The following TNFSF4 variants were observed in gnomAD, a reference collection of about 807,000 sequenced individuals.
TNFSF4 encodes the protein TNF superfamily member 4, also known as tumor necrosis factor ligand superfamily member 4.
A neutral mutation model predicts 7.3 loss-of-function variants in TNFSF4; 4 were observed. That is an observed-to-expected ratio of 0.55 (90% CI 0.27 to 1.25). The LOEUF is 1.25. Among genes scored for constraint, TNFSF4 ranks in the 50% most tolerant of loss-of-function variants. TNFSF4 has a pLI of 0.12. For missense variants in TNFSF4, 181 were observed against 208.8 expected, an observed-to-expected ratio of 0.87 and a Z score of 0.82; for synonymous variants, 76 against 83.7, an observed-to-expected ratio of 0.91 and a Z score of 0.50.
At chr1:173,405,301 A>T in the TNFSF4 span, among the ~76,000 whole-genome samples, 4 of 152,244 alleles carry the variant, frequency 2.6e-5, no homozygotes, top group African/African-American at 9.6e-5. Flanking sequence ...GGGTCCAGTA[A>T]AATTTTATTT....
the TNFSF4 span, among the ~76,000 whole-genome samples, chr1:173,369,023 T>C: frequency 6.6e-6 from 1 of 152,182 alleles, no homozygotes; most frequent in African/African-American, 2.4e-5. Context: ...GGGGGGACTA[T>C]CTGGAATTTT....
intron 1 of TNFSF4, among the ~76,000 whole-genome samples, chr1:173,203,835 A>G (rs1380403308): frequency 6.6e-6 from 1 of 152,234 alleles, no homozygotes; most frequent in Non-Finnish European, 1.5e-5. Context: ...GGTTTCTCAC[A>G]CCTTATAGGT....
chr1:173,340,555 A>G, the TNFSF4 span, among the ~76,000 whole-genome samples: 3 of 152,130 alleles, frequency 2.0e-5, no homozygotes, highest in Non-Finnish European at 2.9e-5. Context: ...CTATATCCCC[A>G]ACCAGTTCCC....
chr1:173,220,103 G>C, the TNFSF4 span, among the ~76,000 whole-genome samples: 1 of 151,844 alleles, frequency 6.6e-6, no homozygotes, highest in Non-Finnish European at 1.5e-5. Context: ...CAAAACAAAG[G>C]GATTTTATTC....
chr1:173,402,158 T>G, the TNFSF4 span, among the ~76,000 whole-genome samples: 4 of 152,200 alleles, frequency 2.6e-5, no homozygotes, highest in Non-Finnish European at 1.5e-5. Flanking sequence ...TCTTTTACCC[T>G]AGGTCAAAGA....
At chr1:173,287,386 C>T in the TNFSF4 span, among the ~76,000 whole-genome samples, 20 of 151,998 alleles carry the variant, frequency 1.3e-4, no homozygotes, top group Non-Finnish European at 2.5e-4. Context: ...CACTACACAC[C>T]CACCAGAATT....
the TNFSF4 span, among the ~76,000 whole-genome samples, chr1:173,278,948 A>G: frequency 9.2e-5 from 14 of 152,264 alleles, no homozygotes; most frequent in African/African-American, 7.2e-5. Context: ...ACATATTTGT[A>G]ATCCAAACAT....
the TNFSF4 span, among the ~76,000 whole-genome samples, chr1:173,350,483 T>G: frequency 6.6e-6 from 1 of 152,146 alleles, no homozygotes; most frequent in African/African-American, 2.4e-5. Flanking sequence ...GTTTAAACTA[T>G]TCCCCAGTTT....
At chr1:173,391,230 C>T in the TNFSF4 span, among the ~76,000 whole-genome samples, 1 of 150,716 alleles carries the variant, frequency 6.6e-6, no homozygotes, top group Non-Finnish European at 1.5e-5. Context: ...TATGCAGCAC[C>T]CCACTTTATG....
chr1:173,377,756 GT>G, the TNFSF4 span, among the ~76,000 whole-genome samples: 1 of 152,156 alleles, frequency 6.6e-6, no homozygotes, highest in African/African-American at 2.4e-5. Context: ...CCCTGCCAGG[GT>G]GGGGCACTAT....
chr1:173,327,354 A>C, the TNFSF4 span, among the ~76,000 whole-genome samples: 1 of 152,216 alleles, frequency 6.6e-6, no homozygotes, highest in Non-Finnish European at 1.5e-5. Context: ...AAATTAATTC[A>C]AGATGGATTA....
At chr1:173,271,046 A>G in the TNFSF4 span, among the ~76,000 whole-genome samples, 1 of 152,156 alleles carries the variant, frequency 6.6e-6, no homozygotes, top group African/African-American at 2.4e-5. Context: ...TATTTAGTCC[A>G]TCCTTAAAGA....
the TNFSF4 span, among the ~76,000 whole-genome samples, chr1:173,338,219 C>T: frequency 6.6e-6 from 1 of 152,188 alleles, no homozygotes; most frequent in African/African-American, 2.4e-5. Flanking sequence ...AAATGGCTTC[C>T]ATCATGGAAG....
the TNFSF4 span, among the ~76,000 whole-genome samples, chr1:173,341,141 A>G: frequency 6.6e-6 from 1 of 152,194 alleles, no homozygotes; most frequent in Non-Finnish European, 1.5e-5. Flanking sequence ...CTCCCCAGCC[A>G]TGCTGTACTG....
chr1:173,255,296 T>C, the TNFSF4 span, among the ~76,000 whole-genome samples: 1 of 152,210 alleles, frequency 6.6e-6, no homozygotes, highest in Non-Finnish European at 1.5e-5. Context: ...GAACAGACTT[T>C]GGCAGGACGA....
At chr1:173,201,376 G>A (rs1649934567) in intron 1 of TNFSF4, among the ~76,000 whole-genome samples, 1 of 152,138 alleles carries the variant, frequency 6.6e-6, no homozygotes, top group Non-Finnish European at 1.5e-5. Flanking sequence ...TGAAGTTATG[G>A]TTAACATTAA....
chr1:173,416,521 C>CCCAG, the TNFSF4 span, among the ~76,000 whole-genome samples: 1 of 152,142 alleles, frequency 6.6e-6, no homozygotes. Context: ...CCAAGGGTCT[C>CCCAG]CCAGCCCAGT....
the TNFSF4 span, among the ~76,000 whole-genome samples, chr1:173,297,587 A>G: frequency 6.6e-6 from 1 of 151,974 alleles, no homozygotes; most frequent in Non-Finnish European, 1.5e-5. Flanking sequence ...AGTAGGTGCT[A>G]GGAGCAAGGA....
the TNFSF4 span, among the ~76,000 whole-genome samples, chr1:173,373,906 A>G: frequency 1.3e-5 from 2 of 152,334 alleles, no homozygotes; most frequent in South Asian, 2.1e-4. Flanking sequence ...TAAAGTGACA[A>G]TGGTCTGGCT....
Sources: allele counts gnomAD v4.1 joint callset (sites outside exome capture counted in the v4.1 genomes callset), GRCh38; gene constraint gnomAD v4.1.1; transcripts MANE v1.5; gene names NCBI Gene and HGNC (gene_info 2026-07-23, HGNC 2026-07-21).